The following SF3B1 variants were observed in gnomAD, a reference collection of about 807,000 sequenced individuals.
SF3B1 encodes splicing factor 3b subunit 1.
SF3B1 carries 12 observed loss-of-function variants against 153.8 expected under a neutral mutation model. The observed-to-expected ratio is 0.08, with a 90% CI of 0.05 to 0.13. SF3B1 has a LOEUF of 0.13. SF3B1 is among the 10% of genes least tolerant of loss of function. The pLI is 1.00. For missense variants in SF3B1, 513 were observed against 1,606.1 expected (o/e 0.32, Z 11.63); for synonymous variants, 498 against 525.2 (o/e 0.95, Z 0.71).
chr2:197,423,532 G>A (rs2085282338), intron 2 of SF3B1, among the ~76,000 whole-genome samples: 1 of 152,198 alleles, frequency 6.6e-6, no homozygotes, highest in Non-Finnish European at 1.5e-5. Context: ...GAGCTGATAA[G>A]TAATGGTAGG....
At chr2:197,407,260 T>C (rs577463904) in intron 9 of SF3B1, among the ~76,000 whole-genome samples, 3 of 152,256 alleles carry the variant, frequency 2.0e-5, no homozygotes, top group Non-Finnish European at 4.4e-5. Flanking sequence ...AAATACTCCC[T>C]GAGTACCAGG....
chr2:197,415,933 C>T (rs915531451), intron 6 of SF3B1, among the ~76,000 whole-genome samples: 2 of 151,742 alleles, frequency 1.3e-5, no homozygotes, highest in African/African-American at 2.4e-5. Flanking sequence ...CACCACCCCC[C>T]ATACCCCAGT....
chr2:197,404,948 C>T, intron 11 of SF3B1, 128 bp downstream of exon 11: 1 of 619,226 alleles, frequency 1.6e-6, no homozygotes, highest in Non-Finnish European at 2.8e-6. Context: ...GGAGGTAGGC[C>T]AAAGCAGGAG....
At chr2:197,424,505 A>C (rs538247535) in intron 1 of SF3B1, among the ~76,000 whole-genome samples, 14 of 152,106 alleles carry the variant, frequency 9.2e-5, no homozygotes, top group Admixed American at 2.0e-4. Context: ...AAAAAAAAAA[A>C]AAAAACCGTG....
chr2:197,420,527 C>T lies in SF3B1; in HGVS notation c.316G>A (p.Glu106Lys). ...TCTGCAATCTTTGGAGGTCTGTGCTCAGCAAATGGATCATACTGAAAAGAG... is the reference window on the plus strand; with the variant it reads ...TCTGCAATCTTTGGAGGTCTGTGCTTAGCAAATGGATCATACTGAAAAGAG... ...QSTEQYDPFA[E>K]HRPPKIADRE... The change falls in exon 4 of 25, where the codon GAG (glutamate) becomes AAG (lysine). Residue 106 changes from glutamate (E) to lysine (K), a missense_variant. Coordinates refer to ENST00000335508, the MANE Select transcript of SF3B1 (RefSeq NM_012433.4). 6.2e-7 allele frequency: 1 copy of T among 1,606,800 alleles called. No individual in the cohort carries two copies. Among genetic ancestry groups the T allele is most frequent in the Non-Finnish European group, 8.5e-7 (1 of 1,176,014 alleles).
rs1053137781 is a variant in SF3B1, at chr2:197,401,654, T to A, written c.2370+88A>T. The A allele has an allele frequency of 2.3e-5, 34 of 1,502,724 alleles. No homozygotes were observed. The highest frequency in any genetic ancestry group is 3.0e-5 in the Non-Finnish European group (33 of 1,103,838). The allele number at this position is 1,502,724 out of a possible 1,614,324, so 93.1% of individuals were successfully genotyped here. On this transcript the variant is annotated intron_variant, in intron 16 of 24. Transcript: ENST00000335508. This position sits in a 1 kb window ranked among gnomAD's most constrained non-coding sequence, Gnocchi z 4.2. ...AAACAGTATTCGTGTAACATACAGT[T>A]TTTTTTGTTGATTTTTAAAAACACT...
At chr2:197,421,965 G>A (rs758632198) in intron 2 of SF3B1, among the ~76,000 whole-genome samples, 7 of 152,134 alleles carry the variant, frequency 4.6e-5, no homozygotes, top group Admixed American at 1.3e-4. Context: ...GGGCAACAGA[G>A]CAAGACTTTG....
At chr2:197,434,058 C>T (rs1316822072) in intron 1 of SF3B1, among the ~76,000 whole-genome samples, 1 of 152,190 alleles carries the variant, frequency 6.6e-6, no homozygotes, top group Non-Finnish European at 1.5e-5. Flanking sequence ...AGTCTCTTAC[C>T]TCTCACAGAC....
chr2:197,432,781 G>A (rs2085460865), intron 1 of SF3B1, among the ~76,000 whole-genome samples: 2 of 152,028 alleles, frequency 1.3e-5, no homozygotes, highest in African/African-American at 2.4e-5. Context: ...CAGGACAATC[G>A]CTTGAACCTA....
At chr2:197,424,127 C>A (rs951248292) in intron 1 of SF3B1, among the ~76,000 whole-genome samples, 153 bp from the exon 2 acceptor site, 6 of 152,188 alleles carry the variant, frequency 3.9e-5, no homozygotes. Context: ...ATCACAACAG[C>A]GTAAGCAAGC....
intron 1 of SF3B1, among the ~76,000 whole-genome samples, chr2:197,425,290 AC>A (rs2085316208): frequency 6.6e-6 from 1 of 151,928 alleles, no homozygotes; most frequent in Non-Finnish European, 1.5e-5. Context: ...ATGTGCTAAA[AC>A]CCCGTCTCTA....
At chr2:197,416,981 T>G in intron 5 of SF3B1, 70 bp from the exon 6 acceptor site, 1 of 1,447,390 alleles carries the variant, frequency 6.9e-7, no homozygotes, top group Non-Finnish European at 9.5e-7. Flanking sequence ...GCGCAATCAC[T>G]TCCACTTAAC....
At chr2:197,429,469 T>C (rs1398549119) in intron 1 of SF3B1, among the ~76,000 whole-genome samples, 1 of 152,014 alleles carries the variant, frequency 6.6e-6, no homozygotes, top group East Asian at 1.9e-4. Context: ...TTAGAGGTTT[T>C]TGTGTCAAGA....
intron 6 of SF3B1, among the ~76,000 whole-genome samples, chr2:197,413,749 G>A (rs1418603289): frequency 6.6e-6 from 1 of 152,032 alleles, no homozygotes; most frequent in Non-Finnish European, 1.5e-5. Context: ...TATGGGGTAA[G>A]AGAATAAGGA....
chr2:197,398,635 C>T lies in SF3B1; in HGVS notation c.3014-54G>A. 3.2e-6 allele frequency: 5 copies of T among 1,557,402 alleles called. No homozygotes were observed. The Middle Eastern group carries it at 5.1e-4, about 158-fold the overall frequency. On this transcript the variant is annotated intron_variant, in intron 20 of 24. Transcript: ENST00000335508. ...ACATTTGAATTGCAACTTTTGTTCA[C>T]TTTCCTTTTACTTAGCAATGTCATA...
Position 197,421,111 on chromosome 2 carries a change from G to A in SF3B1, c.218C>T (p.Ser73Phe). Residue 73 changes from serine (S) to phenylalanine (F), a missense_variant, in exon 3 of 25, where the codon TCT becomes TTT. Transcript: ENST00000335508. ...LEDDDDDYSSSTSLLGQKKPG... is the reference protein window; with the variant it reads ...LEDDDDDYSSFTSLLGQKKPG... ...CTTCTTCTGACCAAGCAAACTCGTA[G>A]ATGATGAATAGTCATCGTCATCCTG... 1 of 1,612,922 alleles carries A rather than the reference G, an allele frequency of 6.2e-7. No homozygotes were observed. Among genetic ancestry groups the A allele is most frequent in the African/African-American group, 1.3e-5 (1 of 74,976 alleles).
Position 197,405,183 on chromosome 2 carries a change from GT to G in SF3B1, c.1438-7del. On this transcript the variant is annotated splice_polypyrimidine_tract_variant and splice_region_variant and intron_variant, in intron 10 of 24. Coordinates refer to ENST00000335508, the MANE Select transcript of SF3B1 (RefSeq NM_012433.4). Reference sequence around the variant, plus strand: ...GTTGATTCATCAACATCAACCTATAGTAAAAAGAAAAAAATGTTAAGGGAAG... The same window carrying G: ...GTTGATTCATCAACATCAACCTATAGAAAAAGAAAAAAATGTTAAGGGAAG... 1 of 1,604,694 alleles carries G rather than the reference GT, an allele frequency of 6.2e-7. No homozygotes were observed. The highest frequency in any genetic ancestry group is 8.5e-7 in the Non-Finnish European group (1 of 1,174,084).
chr2:197,426,332 G>T (rs375750216), intron 1 of SF3B1, among the ~76,000 whole-genome samples: 1 of 151,794 alleles, frequency 6.6e-6, no homozygotes, highest in East Asian at 1.9e-4. Flanking sequence ...TTTTGCTCTT[G>T]TTGCCCAGGC....
chr2:197,407,584 AAC>A (rs2085011258), intron 9 of SF3B1, among the ~76,000 whole-genome samples: 1 of 151,392 alleles, frequency 6.6e-6, no homozygotes, highest in South Asian at 2.1e-4. Flanking sequence ...CAGCCTGGGC[AAC>A]AGAGTGAGAC....
Sources: gnomAD v4.1 joint callset for allele counts (sites outside exome capture counted in the v4.1 genomes callset) on GRCh38, gnomAD v4.1.1 for gene constraint, Gnocchi (gnomAD v3.1) non-coding constraint, MANE v1.5 for transcripts, NCBI Gene and HGNC (gene_info 2026-07-23, HGNC 2026-07-21) for gene names.